The following C7 variants were observed in gnomAD, a reference collection of about 807,000 sequenced individuals.
C7 encodes the protein complement component C7.
Under a neutral mutation model 104.8 loss-of-function variants are expected in C7, and 83 were observed. That is an observed-to-expected ratio of 0.79 (90% CI 0.66 to 0.95). The LOEUF is 0.95. C7 is among the 40% of genes least tolerant of loss of function. The pLI is 0.00. For synonymous variants in C7, 415 were observed against 360.6 expected, an observed-to-expected ratio of 1.15 and a Z score of -1.71; for missense variants, 1,070 against 1,011.2, an observed-to-expected ratio of 1.06 and a Z score of -0.79.
intron 17 of C7, 30 bp downstream of exon 17, chr5:40,979,939 A>T (rs1740907214): frequency 6.5e-7 from 1 of 1,530,834 alleles, no homozygotes. Flanking sequence ...TGTAAGTATA[A>T]GAATGCTAAA....
At chr5:40,977,102 G>A (rs975117150) in intron 16 of C7, among the ~76,000 whole-genome samples, 11 of 152,150 alleles carry the variant, frequency 7.2e-5, no homozygotes, top group African/African-American at 2.7e-4. Context: ...TATATAAAAT[G>A]GAGCAAAATG....
chr5:40,923,620 C>G (rs1171917911), intron 1 of C7, among the ~76,000 whole-genome samples: 1 of 151,966 alleles, frequency 6.6e-6, no homozygotes, highest in African/African-American at 2.4e-5. Flanking sequence ...GTAGCAGGTG[C>G]CTGTAATCAT....
At chr5:40,955,042 C>A in intron 9 of C7, 1 of 243,540 alleles carries the variant, frequency 4.1e-6, no homozygotes, top group Admixed American at 5.7e-5. Flanking sequence ...CCACTATCAA[C>A]ATCTCCTAAC....
At chr5:40,933,187 C>T (rs573310777) in intron 3 of C7, among the ~76,000 whole-genome samples, 7 of 152,142 alleles carry the variant, frequency 4.6e-5, no homozygotes, top group East Asian at 1.9e-4. Context: ...CAGGCTGGTG[C>T]GTACCTGCTC....
chr5:40,947,714 CCT>C lies in C7; in HGVS notation c.856_857del (p.Leu286ValfsTer2), dbSNP rs1740080243. 1 of 1,613,624 alleles carries C rather than the reference CCT, an allele frequency of 6.2e-7. No homozygotes were observed. Among genetic ancestry groups the C allele is most frequent in the Admixed American group, 1.7e-5 (1 of 59,950 alleles). On this transcript the variant is annotated frameshift_variant, in exon 8 of 18. Transcript: ENST00000313164. LOFTEE classifies it high-confidence loss of function. Reference sequence around the variant, plus strand: ...TTCTGGAAGGAGCTTTCCCACCTCCCCTCTCTGTATGACTACAGTGCCTACCG... The same window carrying C: ...TTCTGGAAGGAGCTTTCCCACCTCCCCTCTGTATGACTACAGTGCCTACCG...
intron 11 of C7, among the ~76,000 whole-genome samples, chr5:40,958,655 T>G (rs1315965732): frequency 6.6e-6 from 1 of 152,258 alleles, no homozygotes; most frequent in African/African-American, 2.4e-5. Context: ...CTGTGTGATG[T>G]ACTATCAATC....
rs145550375 is a variant in C7 at position 40,912,874 on chromosome 5, G to A, written c.6+3258G>A. Among the ~76,000 whole-genome samples the A allele has an allele frequency of 5.4e-4, 82 of 152,250 alleles. 1 individual carries two copies. The highest frequency in any genetic ancestry group is 1.0e-3 in the Non-Finnish European group (71 of 68,018). On this transcript the variant is annotated intron_variant, in intron 1 of 17. Coordinates refer to ENST00000313164, the MANE Select transcript of C7 (RefSeq NM_000587.4). The stretch of plus-strand genomic sequence containing the variant: ...CATGGATATATTGGGTAGTGTTGAA[G>A]TCTGGGCTTTCAGTGTATCTATCTT...
rs145163209 is a variant in C7, at chr5:40,929,433, T to A, written c.62+798T>A. On this transcript the variant is annotated intron_variant, in intron 2 of 17. Transcript: ENST00000313164. ...AAGGGTCAAAAGTATTTAGGTATTT[T>A]GATCATTGGTACCATACGAAAACCA... is the stretch of plus-strand genomic sequence containing the variant. 4.1e-3 allele frequency among the ~76,000 whole-genome samples: 629 copies of A among 152,212 alleles called. 8 individuals are homozygous for A. The highest frequency in any genetic ancestry group is 0.015 in the African/African-American group (603 of 41,536).
Position 40,955,526 on chromosome 5 carries a change from T to C in C7, c.1233T>C (p.Thr411=). 3 of 1,613,282 alleles carry C rather than the reference T, an allele frequency of 1.9e-6. No individual in the cohort carries two copies. Among genetic ancestry groups the C allele is most frequent in the Non-Finnish European group, 2.5e-6 (3 of 1,179,504 alleles). The change falls in exon 10 of 18, where the codon ACT becomes ACC. Residue 411 remains threonine, a synonymous_variant. Transcript: ENST00000313164. ...RRYSAWAESV[T]NLPQVIKQKL... is the part of the protein sequence containing the mutation. The stretch of plus-strand genomic sequence containing the variant: ...ATTCTGCCTGGGCAGAATCTGTGAC[T>C]AATCTTCCTCAAGTCATAAAACAAA...
chr5:40,958,291 C>A (rs760514959), intron 11 of C7, 30 bp downstream of exon 11: 2 of 1,389,108 alleles, frequency 1.4e-6, no homozygotes, highest in Non-Finnish European at 2.0e-6. Context: ...TCTAGCCACC[C>A]TGTACACATT....
chr5:40,970,326 GA>G (rs376594575), intron 14 of C7, among the ~76,000 whole-genome samples: 9 of 152,204 alleles, frequency 5.9e-5, no homozygotes, highest in African/African-American at 2.2e-4. Flanking sequence ...ATATTAGCAA[GA>G]TTTTTTTTTT....
chr5:40,925,743 T>C (rs1255671889), intron 1 of C7, among the ~76,000 whole-genome samples: 1 of 152,340 alleles, frequency 6.6e-6, no homozygotes, highest in Non-Finnish European at 1.5e-5. Context: ...TGGTGAAACC[T>C]GCAGGGAGAT....
chr5:40,981,670 C>A lies in C7; in HGVS notation c.*97C>A. 2 of 907,136 alleles carry A rather than the reference C, an allele frequency of 2.2e-6. No homozygotes were observed. The highest frequency in any genetic ancestry group is 3.1e-6 in the Non-Finnish European group (2 of 641,540). 56.2% of individuals were successfully genotyped at this position (907,136 alleles called of 1,614,324 possible). A position where few individuals can be genotyped will look rare whatever the true frequency, so the allele number is the denominator to read the frequency against. On this transcript the variant is annotated 3_prime_UTR_variant, in exon 18 of 18. Transcript: ENST00000313164. ...ACTGGGCACTGGACAGCTTTTCCTTCTTCTCCAGTGTCTACCTTCCTCCTC... is the reference window on the plus strand; with the variant it reads ...ACTGGGCACTGGACAGCTTTTCCTTATTCTCCAGTGTCTACCTTCCTCCTC...
intron 1 of C7, among the ~76,000 whole-genome samples, chr5:40,925,243 T>C (rs993405964): frequency 6.6e-6 from 1 of 152,234 alleles, no homozygotes; most frequent in Non-Finnish European, 1.5e-5. Flanking sequence ...AAGTTTGTTC[T>C]ACTAGATACC....
Position 40,975,403 on chromosome 5 carries a change from AG to A in C7, c.2075-1345del, listed in dbSNP as rs1740797386. On this transcript the variant is annotated intron_variant, in intron 15 of 17. Transcript: ENST00000313164. ...TTTTGAGACAAGGTCTCGCTTGTCC[AG>A]GCTGGCTGGAGTGCAACGGCGCAAT... is the stretch of plus-strand genomic sequence containing the variant. Among the ~76,000 whole-genome samples the A allele has an allele frequency of 2.1e-5, 3 of 144,058 alleles. No homozygotes were observed. In the South Asian group the frequency reaches 6.9e-4, roughly 33 times the overall value. 94.5% of individuals were successfully genotyped at this position (144,058 alleles called of 152,430 possible).
chr5:40,913,416 A>G (rs930713265), intron 1 of C7, among the ~76,000 whole-genome samples: 1 of 152,070 alleles, frequency 6.6e-6, no homozygotes, highest in Admixed American at 6.5e-5. Context: ...TTACATTCCC[A>G]CCAATAGTAT....
intron 1 of C7, among the ~76,000 whole-genome samples, chr5:40,918,830 T>C (rs111936530): frequency 0.046 from 7,054 of 151,996 alleles, 563 homozygotes; most frequent in African/African-American, 0.16. Context: ...AAGAGACAGA[T>C]TGCAATACAA....
intron 7 of C7, among the ~76,000 whole-genome samples, chr5:40,946,596 C>A (rs1253037818): frequency 6.6e-6 from 1 of 152,098 alleles, no homozygotes; most frequent in Non-Finnish European, 1.5e-5. Context: ...TATAAAGTAG[C>A]TTCACCTGCA....
intron 15 of C7, 21 bp downstream of exon 15, chr5:40,972,615 T>C: frequency 1.3e-6 from 2 of 1,568,570 alleles, no homozygotes; most frequent in African/African-American, 1.4e-5. Flanking sequence ...TCCATGTCTA[T>C]CCAAGGACAC....
Sources: gnomAD v4.1 joint callset for allele counts (sites outside exome capture counted in the v4.1 genomes callset) on GRCh38, gnomAD v4.1.1 for gene constraint, MANE v1.5 for transcripts, NCBI Gene and HGNC (gene_info 2026-07-23, HGNC 2026-07-21) for gene names.